Variants in PDZRN4 observed in about 807,000 individuals in gnomAD.
PDZRN4 encodes PDZ domain-containing RING finger protein 4.
Under a neutral mutation model 99.0 loss-of-function variants are expected in PDZRN4, and 70 were observed. The ratio of observed to expected loss-of-function variants is 0.71; its 90% confidence interval spans 0.58 to 0.86. The LOEUF is 0.86. Ranked by LOEUF, PDZRN4 falls within the 40% of genes least tolerant of loss-of-function variation. The pLI is 0.00. For synonymous variants in PDZRN4, 551 were observed against 501.6 expected (o/e 1.10, Z -1.32); for missense variants, 1,474 against 1,331.2 (o/e 1.11, Z -1.67).
intron 3 of PDZRN4, among the ~76,000 whole-genome samples, chr12:41,470,323 A>T (rs1952973978): frequency 6.6e-6 from 1 of 152,170 alleles, no homozygotes; most frequent in Non-Finnish European, 1.5e-5. Context: ...AGAGAAAAAA[A>T]AATTAACTTG....
rs1263089394 is a variant in PDZRN4, at chr12:41,284,466, A to G, written c.843+90278A>G. Among the ~76,000 whole-genome samples, 3 of 152,316 alleles carry G rather than the reference A, an allele frequency of 2.0e-5. No individual in the cohort carries two copies. In the East Asian group the frequency reaches 5.8e-4, roughly 29 times the overall value. On this transcript the variant is annotated intron_variant, in intron 3 of 9. Transcript: ENST00000402685. ...ATTTTGATGCAATGCTATTTCCAAC[A>G]AGCTATTATTGACTTTCTTCACAGA...
At chr12:41,455,626 C>T (rs958464662) in intron 3 of PDZRN4, among the ~76,000 whole-genome samples, 13 of 152,254 alleles carry the variant, frequency 8.5e-5, no homozygotes, top group South Asian at 4.2e-4. Flanking sequence ...AACTCCTCCC[C>T]GATCTTAGGA....
intron 3 of PDZRN4, among the ~76,000 whole-genome samples, chr12:41,372,817 G>T (rs543595305): frequency 1.3e-5 from 2 of 152,206 alleles, no homozygotes; most frequent in African/African-American, 4.8e-5. Context: ...ATTAGAGAAA[G>T]GTTATGATGG....
intron 3 of PDZRN4, among the ~76,000 whole-genome samples, chr12:41,379,030 T>C (rs1339242785): frequency 6.6e-6 from 1 of 152,174 alleles, no homozygotes; most frequent in African/African-American, 2.4e-5. Context: ...GGGAGGCTGT[T>C]GATTACCAAT....
chr12:41,499,890 G>T (rs923423545), intron 3 of PDZRN4, among the ~76,000 whole-genome samples: 1 of 152,020 alleles, frequency 6.6e-6, no homozygotes, highest in Non-Finnish European at 1.5e-5. Context: ...TCTCATTGGG[G>T]TGCTGGGAGT....
chr12:41,372,897 G>C (rs1375458697), intron 3 of PDZRN4, among the ~76,000 whole-genome samples: 1 of 152,062 alleles, frequency 6.6e-6, no homozygotes, highest in African/African-American at 2.4e-5. Context: ...CAGATATCAG[G>C]CGAAATTCAG....
chr12:41,571,043 C>G (rs1293762079), intron 9 of PDZRN4, among the ~76,000 whole-genome samples: 1 of 152,006 alleles, frequency 6.6e-6, no homozygotes, highest in East Asian at 1.9e-4. Context: ...CTTTTGTCAC[C>G]CGTTCTATCC....
intron 3 of PDZRN4, among the ~76,000 whole-genome samples, chr12:41,380,706 C>T (rs994797926): frequency 9.9e-5 from 15 of 151,970 alleles, no homozygotes; most frequent in African/African-American, 3.1e-4. Flanking sequence ...TTATAATTAT[C>T]GTTATTTTTA....
chr12:41,500,418 A>G (rs2120656619), intron 3 of PDZRN4, among the ~76,000 whole-genome samples: 1 of 152,150 alleles, frequency 6.6e-6, no homozygotes. Flanking sequence ...AATAATCACC[A>G]TATTCTCTTC....
In PDZRN4 at chr12:41,372,166, C is replaced by G. The variant is rs1278020512; in HGVS notation, c.844-134290C>G. Among the ~76,000 whole-genome samples the G allele has an allele frequency of 2.6e-5, 4 of 152,184 alleles. No individual in the cohort carries two copies. The South Asian group carries it at 6.2e-4, about 24-fold the overall frequency. On this transcript the variant is annotated intron_variant, in intron 3 of 9. Coordinates refer to ENST00000402685, the MANE Select transcript of PDZRN4 (RefSeq NM_001164595.2). ...GGGGGAAAAAAAAGAAAGATAAGATCCTTCAAGTGCTTCACATTGAGTACA... is the reference window on the plus strand; with the variant it reads ...GGGGGAAAAAAAAGAAAGATAAGATGCTTCAAGTGCTTCACATTGAGTACA...
chr12:41,497,047 A>C (rs1190176006), intron 3 of PDZRN4, among the ~76,000 whole-genome samples: 1 of 152,096 alleles, frequency 6.6e-6, no homozygotes, highest in African/African-American at 2.4e-5. Flanking sequence ...GGTACAATTT[A>C]TTTCGTTTAT....
intron 3 of PDZRN4, among the ~76,000 whole-genome samples, chr12:41,328,383 G>A (rs1951722836): frequency 6.6e-6 from 1 of 152,020 alleles, no homozygotes; most frequent in Non-Finnish European, 1.5e-5. Flanking sequence ...AAATAGAATA[G>A]CCCAGTTTGG....
intron 3 of PDZRN4, among the ~76,000 whole-genome samples, chr12:41,418,976 G>T (rs1952469260): frequency 6.6e-6 from 1 of 152,140 alleles, no homozygotes; most frequent in African/African-American, 2.4e-5. Context: ...GCCAGAAGAA[G>T]AAAAGCAGAT....
intron 3 of PDZRN4, among the ~76,000 whole-genome samples, chr12:41,369,320 TG>T (rs1952023629): frequency 6.6e-6 from 1 of 152,096 alleles, no homozygotes; most frequent in African/African-American, 2.4e-5. Context: ...AATTCTTCCT[TG>T]TAGTTCTCTT....
intron 3 of PDZRN4, among the ~76,000 whole-genome samples, chr12:41,322,270 G>A (rs568481146): frequency 2.0e-5 from 3 of 151,712 alleles, no homozygotes; most frequent in East Asian, 2.0e-4. Context: ...ACCTCAATCC[G>A]TCCACCTCGG....
At chr12:41,383,320 G>A (rs2121105324) in intron 3 of PDZRN4, among the ~76,000 whole-genome samples, 1 of 152,296 alleles carries the variant, frequency 6.6e-6, no homozygotes, top group South Asian at 2.1e-4. Context: ...GAGGCACTCT[G>A]AGAGAAAGAA....
At chr12:41,251,510 T>C (rs1951169935) in intron 3 of PDZRN4, among the ~76,000 whole-genome samples, 1 of 152,200 alleles carries the variant, frequency 6.6e-6, no homozygotes, top group African/African-American at 2.4e-5. Context: ...AGAGTTAATA[T>C]TGCTCTGATA....
chr12:41,321,569 G>A (rs1951677837), intron 3 of PDZRN4, among the ~76,000 whole-genome samples: 1 of 152,112 alleles, frequency 6.6e-6, no homozygotes, highest in Admixed American at 6.6e-5. Context: ...AGAAATTCTA[G>A]TCAATATCAC....
At chr12:41,325,420 C>G (rs889639268) in intron 3 of PDZRN4, among the ~76,000 whole-genome samples, 1 of 152,110 alleles carries the variant, frequency 6.6e-6, no homozygotes, top group Admixed American at 6.5e-5. Context: ...TCCTCTTTAA[C>G]TGGATTATCA....
Sources: gnomAD v4.1 joint callset for allele counts (sites outside exome capture counted in the v4.1 genomes callset) on GRCh38, gnomAD v4.1.1 for gene constraint, MANE v1.5 for transcripts, NCBI Gene and HGNC (gene_info 2026-07-23, HGNC 2026-07-21) for gene names.